Variants in MICAL3 observed in about 807,000 individuals in gnomAD.
MICAL3 encodes the protein [F-actin]-monooxygenase MICAL3.
MICAL3 carries 62 observed loss-of-function variants against 207.4 expected under a neutral mutation model. That is an observed-to-expected ratio of 0.30 (90% CI 0.24 to 0.37). The LOEUF (loss-of-function observed/expected upper bound fraction) is 0.37. MICAL3 is among the 10% of genes least tolerant of loss of function. MICAL3 has a pLI of 1.00. For synonymous variants in MICAL3, 1,077 were observed against 1,069.3 expected (o/e 1.01, Z -0.14); for missense variants, 2,368 against 2,635.6 (o/e 0.90, Z 2.22).
At chr22:17,826,817 G>A (rs542029951) in intron 22 of MICAL3, among the ~76,000 whole-genome samples, 23 of 152,362 alleles carry the variant, frequency 1.5e-4, no homozygotes, top group African/African-American at 4.6e-4. Flanking sequence ...ACCACAAGCC[G>A]GAAACGGAGG....
At chr22:17,814,236 G>C (rs1299585969) in intron 27 of MICAL3, 1 of 152,176 alleles carries the variant, frequency 6.6e-6, no homozygotes, top group Non-Finnish European at 1.5e-5. Flanking sequence ...GTTGAAAGAG[G>C]AAGACAATGA....
At chr22:17,800,728 G>T (rs969657265) in intron 29 of MICAL3, among the ~76,000 whole-genome samples, 2 of 152,140 alleles carry the variant, frequency 1.3e-5, no homozygotes, top group Admixed American at 1.3e-4. Context: ...GCACAGAAAT[G>T]GGGCTTCGGG....
chr22:17,810,271 G>A (rs376843971), intron 28 of MICAL3, among the ~76,000 whole-genome samples: 228 of 152,102 alleles, frequency 1.5e-3, no homozygotes, highest in African/African-American at 5.1e-3. Context: ...CACCGTGTTA[G>A]CCAGGATGGT....
chr22:17,838,396 T>C (rs1447556778), intron 20 of MICAL3, among the ~76,000 whole-genome samples: 1 of 152,126 alleles, frequency 6.6e-6, no homozygotes, highest in African/African-American at 2.4e-5. Context: ...TCAACCCCGT[T>C]TAAGGAAACC....
intron 1 of MICAL3, among the ~76,000 whole-genome samples, chr22:17,993,251 CTTT>C (rs5844343): frequency 2.7e-5 from 4 of 149,932 alleles, no homozygotes; most frequent in Admixed American, 1.3e-4. Flanking sequence ...TCCCAGATGG[CTTT>C]TTTTTTTTAA....
rs1926662012 is a variant in MICAL3 at position 17,862,790 on chromosome 22, G to C, written c.2605+2109C>G. On this transcript the variant is annotated intron_variant, in intron 19 of 31. Transcript: ENST00000441493. The stretch of plus-strand genomic sequence containing the variant: ...CTGAGCTGCCGGACTAAGATGTTCT[G>C]GACTCTGAGCTGCCGGAGGGTAAGC... The C allele has an allele frequency of 6.1e-6, 6 of 985,340 alleles. No individual in the cohort carries two copies. In the African/African-American group the frequency reaches 1.0e-4, roughly 17 times the overall value. The allele number at this position is 985,340 out of a possible 1,614,324, so 61.0% of individuals were successfully genotyped here.
chr22:17,870,180 C>T (rs1927564919), intron 17 of MICAL3, among the ~76,000 whole-genome samples: 1 of 152,148 alleles, frequency 6.6e-6, no homozygotes, highest in African/African-American at 2.4e-5. Flanking sequence ...TGCACTCAAC[C>T]AGGCTGGCCT....
At chr22:18,003,600 T>C (rs534178178) in intron 1 of MICAL3, among the ~76,000 whole-genome samples, 4 of 152,306 alleles carry the variant, frequency 2.6e-5, no homozygotes, top group South Asian at 2.1e-4. Flanking sequence ...TAACCACTCC[T>C]TGGGGTCTGC....
intron 6 of MICAL3, among the ~76,000 whole-genome samples, chr22:17,899,783 TAAACAGAAC>T (rs1931167537): frequency 6.6e-6 from 1 of 151,658 alleles, no homozygotes; most frequent in Admixed American, 6.6e-5. Context: ...TGACTGACAG[TAAACAGAAC>T]TGTTTTTACG....
intron 2 of MICAL3, 59 bp from the exon 3 acceptor site, chr22:17,904,898 G>T: frequency 8.0e-7 from 1 of 1,253,298 alleles, no homozygotes; most frequent in Non-Finnish European, 1.2e-6. Context: ...TTCTCAAGAA[G>T]TCTCATGATT....
At position 17,902,137 on chromosome 22, in the gene MICAL3, G is replaced by A. The variant is rs1375066182; in HGVS notation, c.590-158C>T. On this transcript the variant is annotated intron_variant, in intron 4 of 31. Coordinates refer to ENST00000441493, the MANE Select transcript of MICAL3 (RefSeq NM_015241.3). The surrounding 1 kb of genome is among the most constrained non-coding windows in gnomAD (Gnocchi z 4.5). ...ACAGAGGCTGTGCACGGTGGCTCGT[G>A]CCTCTAATCCCAGCACTATGCGAGG... Among the ~76,000 whole-genome samples, 3 of 152,208 alleles carry A rather than the reference G, an allele frequency of 2.0e-5. No individual in the cohort carries two copies. The highest frequency in any genetic ancestry group is 4.4e-5 in the Non-Finnish European group (3 of 68,046).
At chr22:17,988,942 G>A (rs9605484) in intron 1 of MICAL3, among the ~76,000 whole-genome samples, 3,381 of 152,184 alleles carry the variant, frequency 0.022, 48 homozygotes, top group Middle Eastern at 0.031. Flanking sequence ...GAGCAGCCGC[G>A]GAGTCCAACC....
chr22:18,000,804 G>A (rs1026847917), intron 1 of MICAL3, among the ~76,000 whole-genome samples: 12 of 152,168 alleles, frequency 7.9e-5, no homozygotes, highest in Non-Finnish European at 1.8e-4. Context: ...CCACCTACCT[G>A]CCAGGGTCGC....
At chr22:17,845,693 A>G (rs1924563299) in intron 19 of MICAL3, among the ~76,000 whole-genome samples, 1 of 152,176 alleles carries the variant, frequency 6.6e-6, no homozygotes, top group Non-Finnish European at 1.5e-5. Flanking sequence ...TGAGGAGGAA[A>G]GGCATCACTC....
At chr22:17,909,315 G>T (rs1048689532) in intron 1 of MICAL3, among the ~76,000 whole-genome samples, 4 of 152,182 alleles carry the variant, frequency 2.6e-5, no homozygotes, top group Admixed American at 2.6e-4. Context: ...CTTGAGGTCA[G>T]GAGTTCAAGA....
chr22:17,949,199 G>T (rs1934218747), intron 1 of MICAL3, among the ~76,000 whole-genome samples: 1 of 152,206 alleles, frequency 6.6e-6, no homozygotes. Flanking sequence ...GACAGAGTGA[G>T]AAATTATCTC....
chr22:17,809,133 C>T (rs1453010113), intron 28 of MICAL3, among the ~76,000 whole-genome samples, 196 bp from the exon 29 acceptor site: 2 of 152,224 alleles, frequency 1.3e-5, no homozygotes, highest in Middle Eastern at 3.2e-3. Flanking sequence ...CGCCAGGCTC[C>T]GGGCCTTGCT....
intron 1 of MICAL3, among the ~76,000 whole-genome samples, chr22:17,971,334 G>A (rs1935403894): frequency 6.6e-6 from 1 of 152,114 alleles, no homozygotes; most frequent in Non-Finnish European, 1.5e-5. Context: ...TGGGCATGGT[G>A]TTGTGTGTCT....
chr22:17,893,304 C>T (rs1432013867), intron 11 of MICAL3, among the ~76,000 whole-genome samples: 3 of 152,118 alleles, frequency 2.0e-5, no homozygotes, highest in Non-Finnish European at 4.4e-5. Context: ...TGTGGCTGAC[C>T]AGGTGTACTC....
Sources: allele counts gnomAD v4.1 joint callset (sites outside exome capture counted in the v4.1 genomes callset), GRCh38; gene constraint gnomAD v4.1.1; non-coding constraint Gnocchi (gnomAD v3.1); transcripts MANE v1.5; gene names NCBI Gene and HGNC (gene_info 2026-07-23, HGNC 2026-07-21).